The following PAPOLG variants were observed in gnomAD, a reference collection of about 807,000 sequenced individuals.
PAPOLG encodes poly(A) polymerase gamma.
Under a neutral mutation model 99.0 loss-of-function variants are expected in PAPOLG, and 40 were observed. The observed-to-expected ratio is 0.40, with a 90% confidence interval of 0.31 to 0.53. The LOEUF (loss-of-function observed/expected upper bound fraction) is 0.53. Among genes scored for constraint, PAPOLG ranks in the 20% least tolerant of loss-of-function variants. The pLI is 0.41. For missense variants in PAPOLG, 675 were observed against 884.1 expected (o/e 0.76, Z 3.00); for synonymous variants, 310 against 299.3 (o/e 1.04, Z -0.37).
chr2:60,787,206 A>G (rs1671388917), intron 14 of PAPOLG, 140 bp downstream of exon 14: 1 of 844,560 alleles, frequency 1.2e-6, no homozygotes, highest in East Asian at 2.7e-5. Context: ...TTGAGTGTCT[A>G]GGCATTAAAA....
At chr2:60,793,421 C>T (rs920582963) in intron 17 of PAPOLG, among the ~76,000 whole-genome samples, 8 of 151,206 alleles carry the variant, frequency 5.3e-5, no homozygotes, top group Admixed American at 5.3e-4. Context: ...AAAATTAACC[C>T]GATATGATGG....
In PAPOLG at chr2:60,787,104, A is replaced by G. The variant is rs1291012867; in HGVS notation, c.1286+38A>G. 4.0e-6 allele frequency: 6 copies of G among 1,496,648 alleles called. No individual in the cohort carries two copies. In the South Asian group the frequency reaches 7.5e-5, roughly 19 times the overall value. The allele number at this position is 1,496,648 out of a possible 1,614,324, so 92.7% of individuals were successfully genotyped here. On this transcript the variant is annotated intron_variant, in intron 14 of 21. Transcript: ENST00000238714. The stretch of plus-strand genomic sequence containing the variant: ...TTTTATAATACTTTATTTCTTAAAT[A>G]ATGTTATTTGGTATATGCATCATTT...
chr2:60,782,878 A>G (rs1671236748), intron 12 of PAPOLG, 108 bp downstream of exon 12: 2 of 1,293,210 alleles, frequency 1.5e-6, no homozygotes, highest in Non-Finnish European at 2.1e-6. Context: ...TTCTTAAGCA[A>G]GAGAGAATAG....
chr2:60,763,749 C>T (rs1349845463), intron 3 of PAPOLG, among the ~76,000 whole-genome samples: 1 of 145,586 alleles, frequency 6.9e-6, no homozygotes, highest in South Asian at 2.2e-4. Context: ...GGTGATCTAC[C>T]CGCCTCAGCC....
At chr2:60,763,352 G>A (rs1433538562) in intron 3 of PAPOLG, among the ~76,000 whole-genome samples, 1 of 152,132 alleles carries the variant, frequency 6.6e-6, no homozygotes, top group Non-Finnish European at 1.5e-5. Context: ...AAAGTGCTGG[G>A]ATTACAGGCA....
chr2:60,781,854 T>C (rs373766291), intron 10 of PAPOLG, 31 bp from the exon 11 acceptor site: 4 of 1,613,268 alleles, frequency 2.5e-6, no homozygotes, highest in Non-Finnish European at 3.4e-6. Flanking sequence ...AATAGGAGAA[T>C]AGATCAGTTA....
At chr2:60,781,626 G>A (rs946973476) in intron 10 of PAPOLG, among the ~76,000 whole-genome samples, 1 of 152,126 alleles carries the variant, frequency 6.6e-6, no homozygotes. Context: ...GATTATAAGA[G>A]ATCATTGTTT....
At chr2:60,773,482 A>T (rs747173112) in intron 7 of PAPOLG, among the ~76,000 whole-genome samples, 2 of 152,210 alleles carry the variant, frequency 1.3e-5, no homozygotes, top group Non-Finnish European at 2.9e-5. Flanking sequence ...GTTGCTGAAT[A>T]AAAATGATAG....
intron 9 of PAPOLG, 68 bp downstream of exon 9, chr2:60,779,843 T>G: frequency 7.3e-7 from 1 of 1,362,866 alleles, no homozygotes; most frequent in East Asian, 2.3e-5. Context: ...GTTTGGAAAT[T>G]TAAGAGCTAT....
intron 7 of PAPOLG, among the ~76,000 whole-genome samples, chr2:60,773,393 A>T (rs1670915198): frequency 6.6e-6 from 1 of 152,218 alleles, no homozygotes; most frequent in Non-Finnish European, 1.5e-5. Flanking sequence ...TTCATATAAA[A>T]ATAATCCTAT....
chr2:60,775,035 T>C lies in PAPOLG; in HGVS notation c.606T>C (p.Gly202=), dbSNP rs1397549308. The part of the protein sequence containing the change: ...LDIRCIRSLN[G]CRVTDEILHL... Reference sequence around the variant, plus strand: ...AAATGAATGCTTTGTCTTTTTCAGGTTGTAGAGTTACTGATGAAATTTTGC... The same window carrying C: ...AAATGAATGCTTTGTCTTTTTCAGGCTGTAGAGTTACTGATGAAATTTTGC... The change falls in exon 8 of 22, where the codon GGT becomes GGC. Residue 202 remains glycine (G), a splice_region_variant and synonymous_variant. Coordinates refer to ENST00000238714, the MANE Select transcript of PAPOLG (RefSeq NM_022894.4). 6.2e-7 allele frequency: 1 copy of C among 1,613,160 alleles called. No individual in the cohort carries two copies. Among genetic ancestry groups the C allele is most frequent in the Admixed American group, 1.7e-5 (1 of 59,894 alleles).
At chr2:60,762,674 TG>T (rs1239062331) in intron 3 of PAPOLG, among the ~76,000 whole-genome samples, 1 of 152,144 alleles carries the variant, frequency 6.6e-6, no homozygotes, top group Non-Finnish European at 1.5e-5. Flanking sequence ...TGGCCAAGGC[TG>T]GAATGCAGTG....
intron 5 of PAPOLG, among the ~76,000 whole-genome samples, chr2:60,769,912 C>T (rs1450896489): frequency 6.6e-6 from 1 of 151,926 alleles, no homozygotes; most frequent in African/African-American, 2.4e-5. Context: ...TAATGTTCTC[C>T]CTCCCTTGTC....
At chr2:60,792,887 T>A (rs914996727) in intron 17 of PAPOLG, among the ~76,000 whole-genome samples, 4 of 151,862 alleles carry the variant, frequency 2.6e-5, no homozygotes, top group Non-Finnish European at 5.9e-5. Context: ...AATGCAAAAA[T>A]TAACAGGGTG....
At chr2:60,780,818 G>A (rs1375929583) in intron 10 of PAPOLG, 39 bp downstream of exon 10, 2 of 1,482,646 alleles carry the variant, frequency 1.3e-6, no homozygotes, top group Admixed American at 1.7e-5. Context: ...AAGCTTTTAA[G>A]GAAGAGGACA....
chr2:60,766,304 A>C (rs1670673110), intron 3 of PAPOLG, among the ~76,000 whole-genome samples: 1 of 152,224 alleles, frequency 6.6e-6, no homozygotes, highest in Admixed American at 6.5e-5. Context: ...TTAGGGAGTA[A>C]GGATAACCAG....
intron 3 of PAPOLG, among the ~76,000 whole-genome samples, chr2:60,765,235 CTTTTT>C (rs557009182): frequency 8.3e-6 from 1 of 119,844 alleles, no homozygotes; most frequent in East Asian, 2.5e-4. Context: ...TGCCTAGCTA[CTTTTT>C]TTTTTTTTTT....
chr2:60,756,596 C>T, intron 1 of PAPOLG, 101 bp downstream of exon 1: 1 of 1,265,100 alleles, frequency 7.9e-7, no homozygotes, highest in Non-Finnish European at 1.1e-6. Context: ...GCGCCCTGCA[C>T]GCAGCTCGCC....
chr2:60,756,976 G>A (rs2083154), intron 1 of PAPOLG, among the ~76,000 whole-genome samples: 10 of 151,446 alleles, frequency 6.6e-5, no homozygotes, highest in African/African-American at 2.2e-4. Context: ...TTTCACCGCC[G>A]TCCCCACCCT....
Sources: gnomAD v4.1 joint callset for allele counts (sites outside exome capture counted in the v4.1 genomes callset) on GRCh38, gnomAD v4.1.1 for gene constraint, MANE v1.5 for transcripts, NCBI Gene and HGNC (gene_info 2026-07-23, HGNC 2026-07-21) for gene names.